The following AKAP6 variants were observed in gnomAD, a reference collection of about 807,000 sequenced individuals.
AKAP6 encodes A-kinase anchor protein 6.
A neutral mutation model predicts 188.5 loss-of-function variants in AKAP6; 58 were observed. The observed-to-expected ratio is 0.31, with a 90% CI of 0.25 to 0.38. The LOEUF is 0.38. AKAP6 is among the 10% of genes least tolerant of loss of function. The pLI is 1.00. For synonymous variants in AKAP6, 989 were observed against 998.6 expected, an observed-to-expected ratio of 0.99 and a Z score of 0.18; for missense variants, 2,710 against 2,740.0, an observed-to-expected ratio of 0.99 and a Z score of 0.24.
At chr14:32,730,951 A>G (rs776020171) in intron 9 of AKAP6, among the ~76,000 whole-genome samples, 50 of 152,280 alleles carry the variant, frequency 3.3e-4, no homozygotes, top group Admixed American at 7.2e-4. Context: ...ATTGCCTTCC[A>G]TTAGAAAACG....
rs574269414 is a variant in AKAP6, at chr14:32,771,837, C to T, written c.3373-1841C>T. Among the ~76,000 whole-genome samples the T allele has an allele frequency of 1.2e-4, 18 of 152,246 alleles. No individual in the cohort carries two copies. The South Asian group carries it at 3.5e-3, about 30-fold the overall frequency. On this transcript the variant is annotated intron_variant, in intron 11 of 13. Transcript: ENST00000280979. ...CTCTTTTGATTTTTCTAGGCCTTTA[C>T]GCTTAACAAGTTAACAAAACAGAAA...
At chr14:32,586,132 G>C (rs763300523) in intron 5 of AKAP6, among the ~76,000 whole-genome samples, 10 of 151,940 alleles carry the variant, frequency 6.6e-5, no homozygotes, top group Non-Finnish European at 1.5e-4. Context: ...AATGGATTTG[G>C]GTATAGTATT....
chr14:32,698,927 C>T (rs887719539), intron 9 of AKAP6, among the ~76,000 whole-genome samples: 1 of 152,056 alleles, frequency 6.6e-6, no homozygotes, highest in African/African-American at 2.4e-5. Context: ...AATCTTTATT[C>T]CTTCTATTAG....
At chr14:32,499,144 T>G (rs1178252520) in intron 2 of AKAP6, among the ~76,000 whole-genome samples, 1 of 152,098 alleles carries the variant, frequency 6.6e-6, no homozygotes, top group Non-Finnish European at 1.5e-5. Flanking sequence ...AGCCCTTTCA[T>G]GAACTGGGTA....
At chr14:32,629,951 C>G (rs983766) in intron 7 of AKAP6, among the ~76,000 whole-genome samples, 51,554 of 151,856 alleles carry the variant, frequency 0.34, 9,611 homozygotes, top group East Asian at 0.73. Flanking sequence ...TGCCATAATT[C>G]ATTGACTTAC....
chr14:32,562,874 C>T (rs1216499957), intron 4 of AKAP6, among the ~76,000 whole-genome samples: 3 of 152,150 alleles, frequency 2.0e-5, no homozygotes, highest in African/African-American at 7.2e-5. Flanking sequence ...TTATCCTATC[C>T]TTATTACATC....
intron 12 of AKAP6, among the ~76,000 whole-genome samples, chr14:32,798,403 A>G (rs994119169): frequency 2.6e-5 from 4 of 152,094 alleles, no homozygotes; most frequent in African/African-American, 9.7e-5. Context: ...CCCAAATCAT[A>G]CTACTGTAAA....
intron 12 of AKAP6, among the ~76,000 whole-genome samples, chr14:32,799,817 A>G (rs1434925759): frequency 1.3e-5 from 2 of 152,022 alleles, no homozygotes; most frequent in South Asian, 2.1e-4. Flanking sequence ...ATAAATGTCA[A>G]TTAGATCAAG....
intron 7 of AKAP6, among the ~76,000 whole-genome samples, chr14:32,648,479 GTTTA>G (rs1888073731): frequency 6.6e-6 from 1 of 152,012 alleles, no homozygotes; most frequent in Admixed American, 6.6e-5. Flanking sequence ...TTCCTTTCTT[GTTTA>G]TTACACTTCT....
chr14:32,586,380 C>A (rs1202115201), intron 5 of AKAP6, among the ~76,000 whole-genome samples: 1 of 152,158 alleles, frequency 6.6e-6, no homozygotes, highest in African/African-American at 2.4e-5. Flanking sequence ...GTAATCCTAG[C>A]AGTTCGGGAG....
intron 2 of AKAP6, among the ~76,000 whole-genome samples, chr14:32,514,905 G>T (rs987449233): frequency 1.3e-5 from 2 of 152,042 alleles, no homozygotes; most frequent in African/African-American, 4.8e-5. Flanking sequence ...TGAAGGTGGG[G>T]GTCTTAACTT....
intron 12 of AKAP6, among the ~76,000 whole-genome samples, chr14:32,795,406 A>T (rs2033736188): frequency 6.6e-6 from 1 of 152,192 alleles, no homozygotes; most frequent in African/African-American, 2.4e-5. Context: ...GGCAAACTGA[A>T]TCCAGCCAGC....
At chr14:32,602,067 T>C (rs1336797359) in intron 7 of AKAP6, among the ~76,000 whole-genome samples, 1 of 152,120 alleles carries the variant, frequency 6.6e-6, no homozygotes, top group East Asian at 1.9e-4. Flanking sequence ...AGTGATGTGA[T>C]GAAAGGATCA....
chr14:32,446,561 AT>A (rs1890762453), intron 2 of AKAP6, among the ~76,000 whole-genome samples: 1 of 151,812 alleles, frequency 6.6e-6, no homozygotes, highest in African/African-American at 2.4e-5. Context: ...GTAAGAATAG[AT>A]TGTTAGAAAA....
At position 32,568,831 on chromosome 14, in the gene AKAP6, T is replaced by C. The variant is rs896367798; in HGVS notation, c.2347-8289T>C. On this transcript the variant is annotated intron_variant, in intron 4 of 13. Coordinates refer to ENST00000280979, the MANE Select transcript of AKAP6 (RefSeq NM_004274.5). This position sits in a 1 kb window ranked among gnomAD's most constrained non-coding sequence, Gnocchi z 6.2. ...TGCCTGGTGTGTAGTAAGTGCTCAGTTAATGTTAACCTATTGTTTGTTCCA... is the reference window on the plus strand; with the variant it reads ...TGCCTGGTGTGTAGTAAGTGCTCAGCTAATGTTAACCTATTGTTTGTTCCA... Among the ~76,000 whole-genome samples the C allele has an allele frequency of 5.3e-5, 8 of 152,356 alleles. No homozygotes were observed. The highest frequency in any genetic ancestry group is 4.6e-4 in the Admixed American group (7 of 15,298).
chr14:32,656,741 A>G (rs993447025), intron 7 of AKAP6, among the ~76,000 whole-genome samples: 3 of 152,164 alleles, frequency 2.0e-5, no homozygotes, highest in Non-Finnish European at 4.4e-5. Context: ...AGTTGATGCT[A>G]TTGTTCCACT....
chr14:32,591,936 A>G (rs1407911758), intron 5 of AKAP6, among the ~76,000 whole-genome samples: 1 of 152,230 alleles, frequency 6.6e-6, no homozygotes, highest in African/African-American at 2.4e-5. Context: ...GATTTGGGCT[A>G]TCTCAGCCAG....
chr14:32,332,658 T>G (rs2047895601), intron 1 of AKAP6, among the ~76,000 whole-genome samples: 1 of 152,094 alleles, frequency 6.6e-6, no homozygotes, highest in African/African-American at 2.4e-5. Flanking sequence ...TTTGTTAACT[T>G]TAAGATGTTT....
chr14:32,375,970 T>C (rs1453007683), intron 1 of AKAP6: 1 of 152,374 alleles, frequency 6.6e-6, no homozygotes, highest in Non-Finnish European at 1.5e-5. Flanking sequence ...AAATGCTCCA[T>C]ATTTTCTGCA....
Sources: allele counts gnomAD v4.1 joint callset (sites outside exome capture counted in the v4.1 genomes callset), GRCh38; gene constraint gnomAD v4.1.1; non-coding constraint Gnocchi (gnomAD v3.1); transcripts MANE v1.5; gene names NCBI Gene and HGNC (gene_info 2026-07-23, HGNC 2026-07-21).